Variants in EIF5 observed in about 807,000 individuals in gnomAD.
EIF5 encodes the protein eukaryotic translation initiation factor 5.
In EIF5, 10 loss-of-function variants were observed where a neutral mutation model predicts 48.3. The ratio of observed to expected loss-of-function variants is 0.21; its 90% CI spans 0.13 to 0.35. EIF5 has a LOEUF of 0.35. EIF5 is among the 10% of genes least tolerant of loss of function. The probability of loss-of-function intolerance (pLI) is 1.00; values close to 1 mark genes in which losing one functional copy is unlikely to be tolerated. For synonymous variants in EIF5, 237 were observed against 173.1 expected, an observed-to-expected ratio of 1.37 and a Z score of -2.90; for missense variants, 397 against 533.2, an observed-to-expected ratio of 0.74 and a Z score of 2.51.
At position 103,336,050 on chromosome 14, in the gene EIF5, C is replaced by T. The variant is rs775478447; in HGVS notation, c.87C>T (p.Gly29=). 2.5e-6 allele frequency: 4 copies of T among 1,613,976 alleles called. No homozygotes were observed. Among genetic ancestry groups the T allele is most frequent in the African/African-American group, 2.7e-5 (2 of 74,886 alleles). Reference sequence around the variant, plus strand: ...ATTTCCTTTAGGTTGAGGGCAAAGGCAATGGAATCAAGACAGTTATAGTCA... The same window carrying T: ...ATTTCCTTTAGGTTGAGGGCAAAGGTAATGGAATCAAGACAGTTATAGTCA... The part of the protein sequence containing the change: ...PRLIAKVEGK[G]NGIKTVIVNM... The change falls in exon 4 of 12, where the codon GGC becomes GGT. Residue 29 remains glycine (G), a synonymous_variant. Transcript: ENST00000216554.
rs1292493148 is a variant in EIF5, at chr14:103,334,565, G to A, written c.-241G>A. The A allele has an allele frequency of 6.6e-6, 1 of 152,336 alleles. No individual in the cohort carries two copies. The highest frequency in any genetic ancestry group is 1.5e-5 in the Non-Finnish European group (1 of 67,986). The allele number at this position is 152,336 out of a possible 1,614,324, so 9.4% of individuals were successfully genotyped here. On this transcript the variant is annotated 5_prime_UTR_variant, in exon 2 of 12. Coordinates refer to ENST00000216554, the MANE Select transcript of EIF5 (RefSeq NM_001969.5). ...ACTTCATCCCAGTCCCGGGCGAGCA[G>A]CGTTGGGTTTATGTCTTTATTTGAC...
intron 4 of EIF5, 43 bp from the exon 5 acceptor site, chr14:103,336,634 C>A (rs369431111): frequency 6.5e-7 from 1 of 1,543,032 alleles, no homozygotes; most frequent in African/African-American, 1.4e-5. Flanking sequence ...AGCCAGAGAT[C>A]TAGTTAACTG....
intron 6 of EIF5, 23 bp downstream of exon 6, chr14:103,337,250 C>A: frequency 1.9e-6 from 3 of 1,553,950 alleles, no homozygotes; most frequent in Non-Finnish European, 2.6e-6. Flanking sequence ...TGATGAACTC[C>A]TAAGATCCTA....
intron 4 of EIF5, 72 bp from the exon 5 acceptor site, chr14:103,336,605 C>G (rs1026039095): frequency 9.8e-6 from 14 of 1,421,772 alleles, no homozygotes; most frequent in Non-Finnish European, 1.3e-5. Context: ...AAGTGGTGTT[C>G]GTACAAATGT....
intron 6 of EIF5, chr14:103,337,872 T>C: frequency 1.9e-6 from 1 of 520,478 alleles, no homozygotes; most frequent in South Asian, 1.4e-5. Flanking sequence ...TGGCAGATGA[T>C]CAAAACTGTC....
In EIF5 at chr14:103,343,462, A is replaced by C. The variant is rs1255070611; in HGVS notation, c.*2410A>C. Reference sequence around the variant, plus strand: ...TATGTAACTGTGAATAATTGTATATATCTCTAGTTAAGAATGAGGGAATGG... The same window carrying C: ...TATGTAACTGTGAATAATTGTATATCTCTCTAGTTAAGAATGAGGGAATGG... On this transcript the variant is annotated 3_prime_UTR_variant, in exon 12 of 12. Transcript: ENST00000216554. 1 of 152,232 alleles carries C rather than the reference A, an allele frequency of 6.6e-6. No individual in the cohort carries two copies. Among genetic ancestry groups the C allele is most frequent in the African/African-American group, 2.4e-5 (1 of 41,462 alleles). 9.4% of individuals were successfully genotyped at this position (152,232 alleles called of 1,614,324 possible). A position where few individuals can be genotyped will look rare whatever the true frequency, so the allele number is the denominator to read the frequency against.
chr14:103,334,871 C>G (rs1250665792), intron 2 of EIF5: 1 of 152,144 alleles, frequency 6.6e-6, no homozygotes, highest in African/African-American at 2.4e-5. Context: ...GGGGGCGGCC[C>G]GATCCCGGCA....
intron 2 of EIF5, chr14:103,335,062 G>A (rs2089267920): frequency 1.3e-5 from 2 of 152,286 alleles, no homozygotes; most frequent in African/African-American, 4.8e-5. Flanking sequence ...CCAGGGCGAA[G>A]GTTAACCGAG....
intron 7 of EIF5, 66 bp from the exon 8 acceptor site, chr14:103,338,669 A>G (rs2089317856): frequency 1.9e-6 from 3 of 1,570,516 alleles, no homozygotes; most frequent in African/African-American, 2.7e-5. Flanking sequence ...TTAACTTGGC[A>G]AAATCTGAAC....
At chr14:103,336,562 C>CA (rs2089288906) in intron 4 of EIF5, 115 bp from the exon 5 acceptor site, 2 of 1,145,254 alleles carry the variant, frequency 1.7e-6, no homozygotes, top group Admixed American at 3.0e-5. Flanking sequence ...GCCTGGGTGA[C>CA]AGAGTGAGAC....
chr14:103,344,723 C>A lies in EIF5; in HGVS notation c.*3671C>A, dbSNP rs1429754619. 1 of 152,046 alleles carries A rather than the reference C, an allele frequency of 6.6e-6. No homozygotes were observed. The highest frequency in any genetic ancestry group is 2.4e-5 in the African/African-American group (1 of 41,418). The allele number at this position is 152,046 out of a possible 1,614,324, so 9.4% of individuals were successfully genotyped here. ...GTTAACTAAAAAATAAAAATCAAGT[C>A]TTTAGGAGAGTAGAAAACACAATTA... On this transcript the variant is annotated 3_prime_UTR_variant, in exon 12 of 12. Transcript: ENST00000216554.
chr14:103,336,616 G>C, intron 4 of EIF5, 61 bp from the exon 5 acceptor site: 15 of 1,418,612 alleles, frequency 1.1e-5, no homozygotes, highest in Non-Finnish European at 1.4e-5. Context: ...GTACAAATGT[G>C]AGTGAGTAGC....
chr14:103,340,413 C>G lies in EIF5; in HGVS notation c.1072-14C>G, dbSNP rs773670665. 3.1e-6 allele frequency: 5 copies of G among 1,594,842 alleles called. No homozygotes were observed. The African/African-American group carries it at 5.4e-5, about 17-fold the overall frequency. On this transcript the variant is annotated splice_polypyrimidine_tract_variant and intron_variant, in intron 10 of 11. Coordinates refer to ENST00000216554, the MANE Select transcript of EIF5 (RefSeq NM_001969.5). ...AAATTCCTCAACTAAGAGACTTGTA[C>G]TCACATTTTTTAGGCCTCTAAGAAA...
chr14:103,335,847 A>G lies in EIF5; in HGVS notation c.-14A>G, dbSNP rs1426618791. On this transcript the variant is annotated 5_prime_UTR_variant, in exon 3 of 12. Transcript: ENST00000216554. The stretch of plus-strand genomic sequence containing the variant: ...ATCTCTTCATCTTATTGATAAAGCC[A>G]CTAATAAGCCAAAATGTCTGTCAAT... The G allele has an allele frequency of 1.2e-6, 2 of 1,614,112 alleles. No homozygotes were observed. Among genetic ancestry groups the G allele is most frequent in the South Asian group, 1.1e-5 (1 of 91,072 alleles).
rs980563236 is a variant in EIF5, at chr14:103,343,285, C to G, written c.*2233C>G. The G allele has an allele frequency of 1.3e-5, 2 of 152,172 alleles. No homozygotes were observed. Among genetic ancestry groups the G allele is most frequent in the African/African-American group, 4.8e-5 (2 of 41,406 alleles). The allele number at this position is 152,172 out of a possible 1,614,324, so 9.4% of individuals were successfully genotyped here. A position where few individuals can be genotyped will look rare whatever the true frequency, so the allele number is the denominator to read the frequency against. ...GCTTTGGATTTGTGTTGGATGTATC[C>G]TGCAGTTACACTTGCCAGCCCCACT... On this transcript the variant is annotated 3_prime_UTR_variant, in exon 12 of 12. Coordinates refer to ENST00000216554, the MANE Select transcript of EIF5 (RefSeq NM_001969.5).
Position 103,340,813 on chromosome 14 carries a change from G to T in EIF5, c.1207-150G>T. The T allele has an allele frequency of 4.4e-6, 4 of 902,108 alleles. 1 individual carries two copies. The South Asian group carries it at 6.7e-5, about 15-fold the overall frequency. 55.9% of individuals were successfully genotyped at this position (902,108 alleles called of 1,614,324 possible). A position where few individuals can be genotyped will look rare whatever the true frequency, so the allele number is the denominator to read the frequency against. ...CTCTTAGACTGGAGCCTGTGTAAGA[G>T]AACTTGCAGTGTTTGCATAACAGAG... is the stretch of plus-strand genomic sequence containing the variant. On this transcript the variant is annotated intron_variant, in intron 11 of 11. Coordinates refer to ENST00000216554, the MANE Select transcript of EIF5 (RefSeq NM_001969.5).
At chr14:103,338,215 T>C in intron 6 of EIF5, 112 bp from the exon 7 acceptor site, 2 of 1,473,518 alleles carry the variant, frequency 1.4e-6, no homozygotes, top group Non-Finnish European at 1.8e-6. Flanking sequence ...TGCTGTGTGG[T>C]TTTTCTGAGG....
rs1566722383 is a variant in EIF5, at chr14:103,339,173, A to G, written c.746A>G (p.Lys249Arg). ...RVNILFDFVKKKKEEGVIDSS... is the reference protein window; with the variant it reads ...RVNILFDFVKRKKEEGVIDSS... ...GAATTGTTTTCCTTTTCTTTGCAGA[A>G]AAAGAAAGAAGAGGGTGTTATTGAT... Residue 249 changes from lysine to arginine, a missense_variant and splice_region_variant, in exon 9 of 12, where the codon AAA (lysine) becomes AGA (arginine). By Grantham distance (26) the Lys-to-Arg change is conservative. Transcript: ENST00000216554. 8.1e-6 allele frequency: 13 copies of G among 1,599,008 alleles called. No individual in the cohort carries two copies. The highest frequency in any genetic ancestry group is 1.1e-5 in the Non-Finnish European group (13 of 1,176,244).
At chr14:103,337,001 A>AG (rs2140359333) in intron 5 of EIF5, 115 bp from the exon 6 acceptor site, 1 of 1,346,116 alleles carries the variant, frequency 7.4e-7, no homozygotes, top group African/African-American at 1.5e-5. Flanking sequence ...TTTTTAAAGT[A>AG]GGTCACTGTG....
Sources: gnomAD v4.1 joint callset for allele counts on GRCh38, gnomAD v4.1.1 for gene constraint, MANE v1.5 for transcripts, NCBI Gene and HGNC (gene_info 2026-07-23, HGNC 2026-07-21) for gene names.